Variants in WDR88 observed in about 807,000 individuals in gnomAD.
The protein encoded by WDR88 is WD repeat-containing protein 88.
WDR88 carries 40 observed loss-of-function variants against 46.8 expected under a neutral mutation model. The observed-to-expected ratio is 0.86, with a 90% CI of 0.66 to 1.11. The LOEUF (loss-of-function observed/expected upper bound fraction) is 1.11. Among genes scored for constraint, WDR88 ranks in the 50% most tolerant of loss-of-function variants. WDR88 has a pLI of 0.00. For missense variants in WDR88, 562 were observed against 602.4 expected (o/e 0.93, Z 0.70); for synonymous variants, 235 against 240.7 (o/e 0.98, Z 0.22).
At chr19:33,141,107 T>G (rs1973381848) in intron 2 of WDR88, among the ~76,000 whole-genome samples, 1 of 151,642 alleles carries the variant, frequency 6.6e-6, no homozygotes. Context: ...TGGCTAATTT[T>G]TTTGTTTTTC....
At chr19:33,154,554 C>G (rs1214434816) in intron 6 of WDR88, among the ~76,000 whole-genome samples, 1 of 152,190 alleles carries the variant, frequency 6.6e-6, no homozygotes, top group Non-Finnish European at 1.5e-5. Context: ...CTCATGGCTG[C>G]ATAGTATTCC....
intron 2 of WDR88, among the ~76,000 whole-genome samples, chr19:33,143,536 T>C (rs6510359): frequency 0.15 from 21,799 of 150,070 alleles, 3,516 homozygotes; most frequent in African/African-American, 0.4. Flanking sequence ...CCCAGCGACT[T>C]GGGAGGCTGA....
At chr19:33,139,813 TAC>T (rs111934254) in intron 2 of WDR88, among the ~76,000 whole-genome samples, 13 of 150,126 alleles carry the variant, frequency 8.7e-5, no homozygotes, top group East Asian at 3.9e-4. Flanking sequence ...AAAATATGCA[TAC>T]ACACACACAC....
intron 8 of WDR88, among the ~76,000 whole-genome samples, chr19:33,161,649 T>C (rs774402153): frequency 6.6e-6 from 1 of 152,082 alleles, no homozygotes; most frequent in Non-Finnish European, 1.5e-5. Context: ...TAAAATGGAA[T>C]GTTAAACCTC....
chr19:33,143,363 G>C (rs1053662868), intron 2 of WDR88, among the ~76,000 whole-genome samples: 38 of 137,882 alleles, frequency 2.8e-4, no homozygotes, highest in Middle Eastern at 4.0e-3. Context: ...AAAAAAAAAG[G>C]CTGGTCACAG....
chr19:33,132,515 C>T (rs1568355461), intron 1 of WDR88, 70 bp downstream of exon 1: 2 of 1,567,830 alleles, frequency 1.3e-6, no homozygotes, highest in East Asian at 2.3e-5. Flanking sequence ...CTCGAGCTGT[C>T]GGGGGACCCA....
In WDR88 at chr19:33,143,525, T is replaced by C. The variant is rs137958488; in HGVS notation, c.388-1319T>C. Among the ~76,000 whole-genome samples the C allele has an allele frequency of 3.1e-3, 465 of 151,018 alleles. 4 individuals are homozygous for C. The highest frequency in any genetic ancestry group is 0.011 in the African/African-American group (439 of 41,050). ...CAGGCGTGGTGGCGTGTGCCTATGG[T>C]CCCAGCGACTTGGGAGGCTGAGATG... On this transcript the variant is annotated intron_variant, in intron 2 of 10. Coordinates refer to ENST00000355868, the MANE Select transcript of WDR88 (RefSeq NM_173479.4).
At chr19:33,151,409 C>CACACAGCATCCA (rs2145391242) in intron 6 of WDR88, 99 bp downstream of exon 6, 4 of 1,450,968 alleles carry the variant, frequency 2.8e-6, no homozygotes, top group South Asian at 2.7e-5. Flanking sequence ...GTGGACACGT[C>CACACAGCATCCA]TGTAGCTTGG....
intron 7 of WDR88, among the ~76,000 whole-genome samples, chr19:33,158,768 T>C (rs1376193441): frequency 1.3e-5 from 2 of 152,218 alleles, no homozygotes. Flanking sequence ...TGCGCGATCT[T>C]GGCTCACTGC....
At chr19:33,171,541 AC>A (rs1395194155) in intron 9 of WDR88, among the ~76,000 whole-genome samples, 1 of 152,162 alleles carries the variant, frequency 6.6e-6, no homozygotes, top group African/African-American at 2.4e-5. Flanking sequence ...ATAATAAGTT[AC>A]CAGACTGTAC....
intron 8 of WDR88, among the ~76,000 whole-genome samples, chr19:33,162,287 G>A (rs1323373125): frequency 6.6e-6 from 1 of 151,950 alleles, no homozygotes; most frequent in Non-Finnish European, 1.5e-5. Context: ...TGCAAGTTCC[G>A]CCTCCTGGGT....
At chr19:33,147,193 C>T (rs995349999) in intron 3 of WDR88, among the ~76,000 whole-genome samples, 4 of 151,814 alleles carry the variant, frequency 2.6e-5, no homozygotes, top group Admixed American at 1.3e-4. Flanking sequence ...GCTAGGATTG[C>T]ACCACTGGAC....
intron 1 of WDR88, 57 bp downstream of exon 1, chr19:33,132,502 G>A: frequency 6.3e-7 from 1 of 1,590,238 alleles, no homozygotes; most frequent in Middle Eastern, 1.7e-4. Flanking sequence ...CGGGAGGAAG[G>A]CGCTCGAGCT....
chr19:33,167,747 T>TTCTCTCCTCTCCTCCTCTCTCCTCTCC (rs370273284), intron 9 of WDR88, among the ~76,000 whole-genome samples: 148 of 151,198 alleles, frequency 9.8e-4, no homozygotes, highest in African/African-American at 3.6e-3. Flanking sequence ...CTCTTTTCTC[T>TTCTCTCCTCTCCTCCTCTCTCCTCTCC]TCTCTCCTCT....
chr19:33,137,497 C>A (rs1973293794), intron 1 of WDR88, among the ~76,000 whole-genome samples, 180 bp from the exon 2 acceptor site: 1 of 152,118 alleles, frequency 6.6e-6, no homozygotes, highest in Admixed American at 6.6e-5. Flanking sequence ...AGGTGATCTG[C>A]CTGCCTCGGC....
At position 33,148,693 on chromosome 19, in the gene WDR88, C is replaced by T. The variant is rs545092077; in HGVS notation, c.541-79C>T. On this transcript the variant is annotated intron_variant, in intron 4 of 10. Transcript: ENST00000355868. ...GTCTCAAGCGATCCTCCAGCCTTGG[C>T]CTCCCAAAGCACTGGGTTTACAGGT... is the stretch of plus-strand genomic sequence containing the variant. The T allele has an allele frequency of 3.2e-6, 5 of 1,565,374 alleles. No individual in the cohort carries two copies. In the South Asian group the frequency reaches 5.7e-5, roughly 18 times the overall value.
intron 1 of WDR88, among the ~76,000 whole-genome samples, chr19:33,136,205 G>A (rs563164768): frequency 2.6e-5 from 4 of 151,678 alleles, no homozygotes; most frequent in East Asian, 2.0e-4. Context: ...ACAGGCATGC[G>A]CCACCATGCC....
intron 7 of WDR88, among the ~76,000 whole-genome samples, chr19:33,158,032 T>C (rs551187844): frequency 6.6e-6 from 1 of 151,988 alleles, no homozygotes; most frequent in East Asian, 1.9e-4. Flanking sequence ...CCACAGGAAA[T>C]TGGGAGCTGT....
chr19:33,151,114 C>T (rs1340586578), intron 5 of WDR88, 67 bp from the exon 6 acceptor site: 19 of 1,551,774 alleles, frequency 1.2e-5, no homozygotes, highest in South Asian at 4.8e-5. Flanking sequence ...CTGGGGAAGT[C>T]GTGGGAGTCC....
Sources: allele counts gnomAD v4.1 joint callset (sites outside exome capture counted in the v4.1 genomes callset), GRCh38; gene constraint gnomAD v4.1.1; transcripts MANE v1.5; gene names NCBI Gene and HGNC (gene_info 2026-07-23, HGNC 2026-07-21).